ZNF730: variants seen among roughly 807,000 people sequenced by gnomAD.
The protein encoded by ZNF730 is zinc finger protein 730.
In ZNF730, 12 loss-of-function variants were observed where a neutral mutation model predicts 12.6. The observed-to-expected ratio is 0.95, with a 90% CI of 0.61 to 1.54. The LOEUF is 1.54. Ranked by LOEUF, ZNF730 falls within the 40% of genes most tolerant of loss-of-function variation. ZNF730 has a pLI of 0.00. For synonymous variants in ZNF730, 194 were observed against 195.8 expected, an observed-to-expected ratio of 0.99 and a Z score of 0.08; for missense variants, 643 against 583.5, an observed-to-expected ratio of 1.10 and a Z score of -1.05.
chr19:23,114,333 G>A (rs1970491887), upstream of ZNF730, among the ~76,000 whole-genome samples: 1 of 112,380 alleles, frequency 8.9e-6, no homozygotes. Flanking sequence ...TTGAGACGGA[G>A]TCTCGCTTTG....
In ZNF730 at chr19:23,129,430, G is replaced by A. The variant is rs568806243; in HGVS notation, c.4-4650G>A. On this transcript the variant is annotated intron_variant, in intron 1 of 3. Coordinates refer to ENST00000597761, the MANE Select transcript of ZNF730 (RefSeq NM_001277403.2). ...TTTTTGCATCAGCATGACCCAATGC[G>A]GGACATGGAGTCAAAGGAGATCATT... Among the ~76,000 whole-genome samples the A allele has an allele frequency of 2.0e-4, 30 of 152,180 alleles. No individual in the cohort carries two copies. In the South Asian group the frequency reaches 3.7e-3, roughly 19 times the overall value.
At chr19:23,089,542 TCTCACAAG>T (rs1214545697) in intron 1 of ZNF730, among the ~76,000 whole-genome samples, 2 of 152,164 alleles carry the variant, frequency 1.3e-5, no homozygotes, top group Non-Finnish European at 2.9e-5. Flanking sequence ...ATTGAATAAG[TCTCACAAG>T]ATATGATGGG....
rs753387196 is a variant in ZNF730 at position 23,145,474 on chromosome 19, A to G, written c.430A>G (p.Ile144Val). The G allele has an allele frequency of 5.2e-5, 82 of 1,569,666 alleles. 4 individuals carry two copies. In the East Asian group the frequency reaches 5.6e-4, roughly 11 times the overall value. ...NQCLTTSHSK[I>V]FQCDKYVKVF... ...GTGTTTGACAACTTCCCATAGCAAAATATTTCAGTGTGACAAATATGTGAA... is the reference window on the plus strand; with the variant it reads ...GTGTTTGACAACTTCCCATAGCAAAGTATTTCAGTGTGACAAATATGTGAA... Residue 144 changes from isoleucine to valine, a missense_variant, in exon 4 of 4, where the codon ATA becomes GTA. Transcript: ENST00000597761.
intron 1 of ZNF730, among the ~76,000 whole-genome samples, chr19:23,086,251 C>T (rs774409888): frequency 2.3e-4 from 35 of 152,098 alleles, no homozygotes; most frequent in African/African-American, 3.9e-4. Flanking sequence ...TCTCCCATAC[C>T]GTAGGTTCTG....
intron 1 of ZNF730, chr19:23,126,726 G>T: frequency 4.2e-6 from 2 of 471,226 alleles, no homozygotes; most frequent in South Asian, 3.3e-5. Flanking sequence ...TTGTTTTGCA[G>T]ACTGAGATTT....
chr19:23,127,773 C>A, intron 1 of ZNF730: 1 of 851,024 alleles, frequency 1.2e-6, no homozygotes, highest in Non-Finnish European at 2.0e-6. Context: ...GAAGTTAGGG[C>A]CATCGTCCAG....
At chr19:23,131,881 C>G (rs1422188626) in intron 1 of ZNF730, among the ~76,000 whole-genome samples, 1 of 152,070 alleles carries the variant, frequency 6.6e-6, no homozygotes, top group East Asian at 1.9e-4. Flanking sequence ...TCATGTGACT[C>G]TAAGTTGAGG....
At chr19:23,132,468 A>AT (rs1437507015) in intron 1 of ZNF730, among the ~76,000 whole-genome samples, 2 of 151,830 alleles carry the variant, frequency 1.3e-5, no homozygotes, top group Non-Finnish European at 2.9e-5. Context: ...AATTCTTATA[A>AT]TAGTCAAGGA....
In ZNF730 at chr19:23,146,499, TG is replaced by T; in HGVS notation, c.1457del (p.Gly486ValfsTer39). The T allele has an allele frequency of 6.3e-7, 1 of 1,597,392 alleles. No individual in the cohort carries two copies. ...AAAAAATCTACAAATGTAAAGAATG[TG>T]GTAAAGCCTTTAGGCGGTTCTCACA... ...GEKIYKCKEC[G>X]KAFRRFSHLT... On this transcript the variant is annotated frameshift_variant, in exon 4 of 4. Coordinates refer to ENST00000597761, the MANE Select transcript of ZNF730 (RefSeq NM_001277403.2). LOFTEE classifies it low-confidence loss of function (END_TRUNC).
In ZNF730 at chr19:23,117,115, G is replaced by T; in HGVS notation, c.-59G>T. 6.2e-7 allele frequency: 1 copy of T among 1,612,976 alleles called. No homozygotes were observed. Among genetic ancestry groups the T allele is most frequent in the Non-Finnish European group, 8.5e-7 (1 of 1,179,186 alleles). ...AGAAGCCCAGCCTGTGTGGCCCTGC[G>T]ACCTGCGGGTATTGGGAGATCCACA... On this transcript the variant is annotated 5_prime_UTR_variant, in exon 1 of 4. Transcript: ENST00000597761.
At chr19:23,138,879 A>ATT (rs141818923) in intron 3 of ZNF730, among the ~76,000 whole-genome samples, 1 of 151,838 alleles carries the variant, frequency 6.6e-6, no homozygotes, top group African/African-American at 2.4e-5. Flanking sequence ...TCATAAAGGC[A>ATT]TTTTTTTTCA....
chr19:23,145,735 A>G lies in ZNF730; in HGVS notation c.691A>G (p.Lys231Glu), dbSNP rs1389037234. Reference sequence around the variant, plus strand: ...TACTGAGAAAAAACCTTACAAATGTAAAGAATGTGGCAAAGCCTTTAACTG... The same window carrying G: ...TACTGAGAAAAAACCTTACAAATGTGAAGAATGTGGCAAAGCCTTTAACTG... ...RITEKKPYKC[K>E]ECGKAFNWFS... The change falls in exon 4 of 4, where the codon AAA becomes GAA. Residue 231 changes from lysine (K) to glutamate (E), a missense_variant. Coordinates refer to ENST00000597761, the MANE Select transcript of ZNF730 (RefSeq NM_001277403.2). The G allele has an allele frequency of 1.1e-5, 17 of 1,560,340 alleles. No individual in the cohort carries two copies. Among genetic ancestry groups the G allele is most frequent in the Non-Finnish European group, 1.5e-5 (17 of 1,154,074 alleles).
At chr19:23,138,531 G>T (rs1174461661) in intron 3 of ZNF730, among the ~76,000 whole-genome samples, 1 of 152,196 alleles carries the variant, frequency 6.6e-6, no homozygotes, top group Admixed American at 6.5e-5. Context: ...GACTTTGGCT[G>T]GGAAGAGTTT....
intron 1 of ZNF730, chr19:23,128,667 G>A (rs1013550092): frequency 6.4e-6 from 1 of 156,898 alleles, no homozygotes; most frequent in Non-Finnish European, 1.4e-5. Context: ...TCTGTTAAGG[G>A]CATTCAGTTT....
intron 1 of ZNF730, among the ~76,000 whole-genome samples, chr19:23,102,934 C>A (rs1247665786): frequency 1.3e-5 from 2 of 152,174 alleles, no homozygotes; most frequent in African/African-American, 4.8e-5. Context: ...TTCTTTTATA[C>A]TATATAAATC....
At chr19:23,120,928 T>C (rs904602417) in intron 1 of ZNF730, among the ~76,000 whole-genome samples, 2 of 152,226 alleles carry the variant, frequency 1.3e-5, no homozygotes, top group Non-Finnish European at 2.9e-5. Context: ...AAAAACTGCT[T>C]AATTTCTACC....
chr19:23,122,811 T>C (rs7253142), intron 1 of ZNF730, among the ~76,000 whole-genome samples: 86,869 of 152,102 alleles, frequency 0.57, 26,696 homozygotes, highest in South Asian at 0.73. Context: ...TTAATATTGT[T>C]ATTTATACTC....
At chr19:23,096,849 G>A (rs559592259) in intron 1 of ZNF730, among the ~76,000 whole-genome samples, 11 of 152,296 alleles carry the variant, frequency 7.2e-5, no homozygotes, top group African/African-American at 2.4e-4. Flanking sequence ...TAAGCCCTGC[G>A]TACAGTGTGT....
At chr19:23,134,293 T>TAA in intron 2 of ZNF730, 87 bp downstream of exon 2, 1 of 1,206,344 alleles carries the variant, frequency 8.3e-7, no homozygotes. Flanking sequence ...AGATCCCGGG[T>TAA]TTTTTTCTTT....
Sources: allele counts gnomAD v4.1 joint callset (sites outside exome capture counted in the v4.1 genomes callset), GRCh38; gene constraint gnomAD v4.1.1; transcripts MANE v1.5; gene names NCBI Gene and HGNC (gene_info 2026-07-23, HGNC 2026-07-21).